CCDC178: variants seen among roughly 807,000 people sequenced by gnomAD.
CCDC178 encodes the protein coiled-coil domain containing 178, also known as coiled-coil domain-containing protein 178.
CCDC178 carries 126 observed loss-of-function variants against 117.4 expected under a neutral mutation model. The observed-to-expected ratio is 1.07, with a 90% CI of 0.93 to 1.24. The LOEUF (loss-of-function observed/expected upper bound fraction) is 1.24. Among genes scored for constraint, CCDC178 ranks in the 50% most tolerant of loss-of-function variants. The pLI, the probability that CCDC178 is intolerant of heterozygous loss-of-function variation, is 0.00. For synonymous variants in CCDC178, 283 were observed against 313.4 expected (o/e 0.90, Z 1.02); for missense variants, 1,030 against 986.9 (o/e 1.04, Z -0.59).
chr18:33,097,797 CAT>C (rs2145091405), intron 20 of CCDC178, among the ~76,000 whole-genome samples: 1 of 152,202 alleles, frequency 6.6e-6, no homozygotes, highest in South Asian at 2.1e-4. Flanking sequence ...AGCATTTTGA[CAT>C]AGGTAAAACA....
At chr18:33,090,955 G>C (rs1256440520) in intron 21 of CCDC178, among the ~76,000 whole-genome samples, 1 of 151,992 alleles carries the variant, frequency 6.6e-6, no homozygotes, top group Non-Finnish European at 1.5e-5. Flanking sequence ...GTGATGTTAG[G>C]GCTTTCTCTT....
rs755077114 is a variant in CCDC178 at position 33,089,200 on chromosome 18, G to GT, written c.2388+3560dup. On this transcript the variant is annotated intron_variant, in intron 21 of 22. Coordinates refer to ENST00000383096, the MANE Select transcript of CCDC178 (RefSeq NM_001105528.4). ...TAGAGATATCATATATAATTTACAT[G>GT]TTTTTTTCAAAGCTTTACATAACCT... 4.6e-5 allele frequency among the ~76,000 whole-genome samples: 7 copies of GT among 151,924 alleles called. No individual in the cohort carries two copies. In the East Asian group the frequency reaches 7.7e-4, roughly 17 times the overall value.
At chr18:33,278,345 T>C (rs2059979050) in intron 12 of CCDC178, among the ~76,000 whole-genome samples, 1 of 148,812 alleles carries the variant, frequency 6.7e-6, no homozygotes, top group African/African-American at 2.5e-5. Flanking sequence ...GCCAAATCCA[T>C]CATTTTTTAA....
chr18:33,023,416 G>T (rs975280043), intron 21 of CCDC178, among the ~76,000 whole-genome samples: 2 of 152,116 alleles, frequency 1.3e-5, no homozygotes, highest in Non-Finnish European at 2.9e-5. Flanking sequence ...CCATATGAGA[G>T]TGTTAACAGG....
At chr18:33,148,474 G>A (rs914045948) in intron 20 of CCDC178, among the ~76,000 whole-genome samples, 1 of 151,584 alleles carries the variant, frequency 6.6e-6, no homozygotes, top group Admixed American at 6.6e-5. Context: ...CGTGGGGAGA[G>A]GGGGAGGGAG....
chr18:33,034,646 G>A (rs1422265121), intron 21 of CCDC178, among the ~76,000 whole-genome samples: 2 of 151,952 alleles, frequency 1.3e-5, no homozygotes, highest in Non-Finnish European at 2.9e-5. Flanking sequence ...TGATTGGCAT[G>A]CCCCTCTGCT....
At chr18:33,078,425 T>G (rs901219604) in intron 21 of CCDC178, among the ~76,000 whole-genome samples, 1 of 152,160 alleles carries the variant, frequency 6.6e-6, no homozygotes, top group African/African-American at 2.4e-5. Flanking sequence ...TTGGAAGTCC[T>G]GGCCAGAGCA....
chr18:33,151,006 C>A (rs1011184413), intron 20 of CCDC178, among the ~76,000 whole-genome samples: 6 of 152,082 alleles, frequency 3.9e-5, no homozygotes, highest in Non-Finnish European at 7.4e-5. Flanking sequence ...AATGGAAAAT[C>A]AAATGTATGT....
At chr18:33,269,876 GAAT>G (rs2059865734) in intron 12 of CCDC178, among the ~76,000 whole-genome samples, 1 of 151,600 alleles carries the variant, frequency 6.6e-6, no homozygotes, top group African/African-American at 2.4e-5. Context: ...AGACTATGCA[GAAT>G]AAAAAATTAG....
At chr18:33,303,207 T>A (rs1005509620) in intron 11 of CCDC178, among the ~76,000 whole-genome samples, 2 of 152,184 alleles carry the variant, frequency 1.3e-5, no homozygotes, top group African/African-American at 4.8e-5. Flanking sequence ...AGAAATGTAA[T>A]GCATTTTACT....
chr18:33,346,390 T>C lies in CCDC178; in HGVS notation c.479A>G (p.Lys160Arg), dbSNP rs377519361. 9.3e-6 allele frequency: 15 copies of C among 1,612,014 alleles called. No individual in the cohort carries two copies. Among genetic ancestry groups the C allele is most frequent in the African/African-American group, 1.3e-5 (1 of 74,850 alleles). Residue 160 changes from lysine (K) to arginine (R), a missense_variant, in exon 9 of 23, where the codon AAG (lysine) becomes AGG (arginine). Lys to Arg is a conservative substitution (Grantham distance 26). Coordinates refer to ENST00000383096, the MANE Select transcript of CCDC178 (RefSeq NM_001105528.4). ...EKRDEKCPELKQEMETLLSEA... is the reference protein window; with the variant it reads ...EKRDEKCPELRQEMETLLSEA... ...TGAGAGCAATGTTTCCATTTCCTGCTTTAACTCTGGACACTTTTCATCTTA... is the reference window on the plus strand; with the variant it reads ...TGAGAGCAATGTTTCCATTTCCTGCCTTAACTCTGGACACTTTTCATCTTA...
At chr18:33,207,004 C>G (rs868168769) in intron 20 of CCDC178, among the ~76,000 whole-genome samples, 1 of 152,166 alleles carries the variant, frequency 6.6e-6, no homozygotes, top group African/African-American at 2.4e-5. Context: ...TTCATGCTGC[C>G]TGTTGTGTAG....
intron 14 of CCDC178, among the ~76,000 whole-genome samples, chr18:33,266,498 G>A (rs1427839947): frequency 6.6e-6 from 1 of 150,676 alleles, no homozygotes; most frequent in African/African-American, 2.5e-5. Context: ...AGATAAGGCT[G>A]TGTAAAGCTG....
At chr18:33,279,829 C>G (rs978095617) in intron 12 of CCDC178, among the ~76,000 whole-genome samples, 1 of 152,080 alleles carries the variant, frequency 6.6e-6, no homozygotes, top group African/African-American at 2.4e-5. Flanking sequence ...TTTGACAAAC[C>G]TGAGAAAAAC....
intron 21 of CCDC178, among the ~76,000 whole-genome samples, chr18:33,059,024 G>A (rs906064483): frequency 1.3e-5 from 2 of 152,092 alleles, no homozygotes; most frequent in Admixed American, 6.6e-5. Flanking sequence ...GTATCCTGGA[G>A]CACTGGGAAA....
chr18:33,352,711 T>A (rs2062993681), intron 7 of CCDC178, among the ~76,000 whole-genome samples: 1 of 152,180 alleles, frequency 6.6e-6, no homozygotes, highest in African/African-American at 2.4e-5. Flanking sequence ...TCCACATATA[T>A]ATGAAATTTC....
chr18:33,342,474 G>A (rs772199858), intron 9 of CCDC178, among the ~76,000 whole-genome samples: 1 of 152,176 alleles, frequency 6.6e-6, no homozygotes, highest in Admixed American at 6.5e-5. Flanking sequence ...TTTGGGCTGT[G>A]TCCCCACCCA....
At position 33,015,212 on chromosome 18, in the gene CCDC178, T is replaced by C. The variant is rs576455642; in HGVS notation, c.2389-40531A>G. Among the ~76,000 whole-genome samples, 8 of 145,842 alleles carry C rather than the reference T, an allele frequency of 5.5e-5. No individual in the cohort carries two copies. The Admixed American group carries it at 5.6e-4, about 10-fold the overall frequency. ...CAGAGGCTGCAGTGAGCCAAGATCA[T>C]GCCACTGCACTCCAGCCTGGGTGAC... On this transcript the variant is annotated intron_variant, in intron 21 of 22. Transcript: ENST00000383096.
chr18:32,968,636 C>A (rs554764181), intron 22 of CCDC178, among the ~76,000 whole-genome samples: 5 of 151,840 alleles, frequency 3.3e-5, no homozygotes, highest in Non-Finnish European at 7.4e-5. Context: ...TTAGATTTAT[C>A]GTATATATTC....
Sources: allele counts gnomAD v4.1 joint callset (sites outside exome capture counted in the v4.1 genomes callset), GRCh38; gene constraint gnomAD v4.1.1; transcripts MANE v1.5; gene names NCBI Gene and HGNC (gene_info 2026-07-23, HGNC 2026-07-21).